Variants in EFHC1 observed in about 807,000 individuals in gnomAD.
The protein encoded by EFHC1 is EF-hand domain containing 1, also known as EF-hand domain-containing protein 1.
A neutral mutation model predicts 69.9 loss-of-function variants in EFHC1; 53 were observed. The observed-to-expected ratio is 0.76, with a 90% CI of 0.61 to 0.95. The LOEUF (loss-of-function observed/expected upper bound fraction) is 0.95. Ranked by LOEUF, EFHC1 falls within the 40% of genes least tolerant of loss-of-function variation. EFHC1 has a pLI of 0.00. For missense variants in EFHC1, 739 were observed against 798.7 expected (o/e 0.93, Z 0.90); for synonymous variants, 256 against 278.4 (o/e 0.92, Z 0.80).
At chr6:52,479,808 G>T (rs764826304) in intron 9 of EFHC1, 21 bp downstream of exon 9, 21 of 1,613,232 alleles carry the variant, frequency 1.3e-5, no homozygotes, top group African/African-American at 2.7e-5. Context: ...GATTGCTAGG[G>T]TTTGGCACAC....
At chr6:52,432,664 C>T (rs1248353807) in intron 2 of EFHC1, among the ~76,000 whole-genome samples, 1 of 152,118 alleles carries the variant, frequency 6.6e-6, no homozygotes, top group Non-Finnish European at 1.5e-5. Context: ...CTTTAAATAA[C>T]CTGAGGAAAG....
chr6:52,425,321 G>T (rs1764279380), intron 2 of EFHC1, among the ~76,000 whole-genome samples: 1 of 152,094 alleles, frequency 6.6e-6, no homozygotes, highest in Admixed American at 6.6e-5. Context: ...AGAAGGGAGA[G>T]GGCTGAAAAT....
chr6:52,492,928 AT>A lies in EFHC1; in HGVS notation c.*589del. 2.2e-6 allele frequency: 1 copy of A among 454,098 alleles called. No individual in the cohort carries two copies. Among genetic ancestry groups the A allele is most frequent in the South Asian group, 1.6e-5 (1 of 64,478 alleles). 28.1% of individuals were successfully genotyped at this position (454,098 alleles called of 1,614,324 possible). ...CACTGTGCCCAGCCTCAGATATTTC[AT>A]TATTCTGGGGGTTTCTCTGAAGGTA... is the stretch of plus-strand genomic sequence containing the variant. On this transcript the variant is annotated 3_prime_UTR_variant, in exon 11 of 11. Coordinates refer to ENST00000371068, the MANE Select transcript of EFHC1 (RefSeq NM_018100.4).
At chr6:52,465,560 A>G (rs1765286090) in intron 6 of EFHC1, among the ~76,000 whole-genome samples, 1 of 152,066 alleles carries the variant, frequency 6.6e-6, no homozygotes, top group South Asian at 2.1e-4. Context: ...GTAATCCAGC[A>G]CTTTGGGAGG....
intron 1 of EFHC1, among the ~76,000 whole-genome samples, chr6:52,421,365 A>C (rs1764187689): frequency 6.6e-6 from 1 of 151,540 alleles, no homozygotes; most frequent in South Asian, 2.1e-4. Flanking sequence ...CTCCTTCCCC[A>C]ACCTTGTGTT....
chr6:52,461,918 A>C (rs992618310), intron 5 of EFHC1, among the ~76,000 whole-genome samples: 3 of 152,188 alleles, frequency 2.0e-5, no homozygotes, highest in African/African-American at 7.2e-5. Flanking sequence ...ACTTGAATGC[A>C]GTAATAACAT....
chr6:52,479,000 G>T, intron 7 of EFHC1, 37 bp from the exon 8 acceptor site: 3 of 1,599,770 alleles, frequency 1.9e-6, no homozygotes, highest in South Asian at 1.1e-5. Context: ...CATAGACCAT[G>T]AACCTTCATA....
intron 9 of EFHC1, among the ~76,000 whole-genome samples, chr6:52,481,353 A>T (rs1451408993): frequency 6.6e-6 from 1 of 152,066 alleles, no homozygotes; most frequent in African/African-American, 2.4e-5. Context: ...TCAGTTCTGG[A>T]TATATCGTAT....
At chr6:52,451,913 G>T (rs1197993429) in intron 3 of EFHC1, among the ~76,000 whole-genome samples, 2 of 152,042 alleles carry the variant, frequency 1.3e-5, no homozygotes, top group Non-Finnish European at 2.9e-5. Context: ...TGTTTTAAGT[G>T]AATTAGAAAA....
intron 5 of EFHC1, among the ~76,000 whole-genome samples, chr6:52,463,028 T>TTGTTG (rs983848239): frequency 1.3e-5 from 2 of 151,910 alleles, no homozygotes; most frequent in African/African-American, 4.8e-5. Context: ...TTGTTTTGTT[T>TTGTTG]TGTTTGTTTT....
chr6:52,468,736 T>G (rs1431375319), intron 6 of EFHC1: 2 of 158,314 alleles, frequency 1.3e-5, no homozygotes, highest in African/African-American at 4.8e-5. Flanking sequence ...ATTCACTGAG[T>G]AGTGGTTTTG....
At chr6:52,458,263 AG>A (rs1301934218) in intron 5 of EFHC1, among the ~76,000 whole-genome samples, 2 of 148,598 alleles carry the variant, frequency 1.3e-5, no homozygotes, top group African/African-American at 5.0e-5. Flanking sequence ...GTCTCAGAGC[AG>A]GGGGAAAAAA....
rs1216187204 is a variant in EFHC1 at position 52,479,162 on chromosome 6, C to T, written c.1404C>T (p.Gly468=). 6.2e-7 allele frequency: 1 copy of T among 1,614,138 alleles called. No homozygotes were observed. Among genetic ancestry groups the T allele is most frequent in the South Asian group, 1.1e-5 (1 of 91,076 alleles). ...NSGIIGGKYL[G]RTKVVKPYST... ...GTATCATTGGGGGCAAGTACCTTGG[C>T]AGGACTAAAGTTGTTAAACCATACT... Residue 468 remains glycine (G), a synonymous_variant, in exon 8 of 11, where the codon GGC becomes GGT. Coordinates refer to ENST00000371068, the MANE Select transcript of EFHC1 (RefSeq NM_018100.4).
At chr6:52,483,153 C>G in intron 9 of EFHC1, 1 of 302,750 alleles carries the variant, frequency 3.3e-6, no homozygotes, top group Non-Finnish European at 6.0e-6. Flanking sequence ...GGACTAAAGT[C>G]CTGACAGATA....
intron 9 of EFHC1, chr6:52,489,272 G>A (rs1765847766): frequency 6.6e-6 from 1 of 152,228 alleles, no homozygotes; most frequent in South Asian, 2.1e-4. Context: ...GTTGGAACTG[G>A]AGTGGGATGT....
chr6:52,479,585 C>A (rs1581847340), intron 8 of EFHC1, 55 bp from the exon 9 acceptor site: 2 of 1,612,262 alleles, frequency 1.2e-6, no homozygotes, highest in Non-Finnish European at 8.5e-7. Flanking sequence ...CTATTTTACT[C>A]CTGATTGCGT....
chr6:52,475,101 A>C (rs188396843), intron 7 of EFHC1, among the ~76,000 whole-genome samples: 2 of 152,010 alleles, frequency 1.3e-5, no homozygotes, highest in East Asian at 3.9e-4. Flanking sequence ...GAAATAGTGG[A>C]TATCTTTATG....
At position 52,492,639 on chromosome 6, in the gene EFHC1, G is replaced by A. The variant is rs1297407811; in HGVS notation, c.*298G>A. On this transcript the variant is annotated 3_prime_UTR_variant, in exon 11 of 11. Transcript: ENST00000371068. ...AAAAAAATAAATTTTTTTAGAGATG[G>A]GATCTCACTCTGTCATACAGGCTGG... is the stretch of plus-strand genomic sequence containing the variant. 2.1e-6 allele frequency: 1 copy of A among 485,918 alleles called. No homozygotes were observed. The allele number at this position is 485,918 out of a possible 1,614,324, so 30.1% of individuals were successfully genotyped here. A position where few individuals can be genotyped will look rare whatever the true frequency, so the allele number is the denominator to read the frequency against.
intron 5 of EFHC1, 115 bp downstream of exon 5, chr6:52,454,402 T>C (rs1281571000): frequency 1.5e-6 from 2 of 1,316,064 alleles, no homozygotes; most frequent in East Asian, 4.9e-5. Context: ...CTATTTTTGC[T>C]TAGATGCTCA....
Sources: allele counts gnomAD v4.1 joint callset (sites outside exome capture counted in the v4.1 genomes callset), GRCh38; gene constraint gnomAD v4.1.1; transcripts MANE v1.5; gene names NCBI Gene and HGNC (gene_info 2026-07-23, HGNC 2026-07-21).